GSDME: variants seen among roughly 807,000 people sequenced by gnomAD.
The protein encoded by GSDME is gasdermin-E.
In GSDME, 44 loss-of-function variants were observed where a neutral mutation model predicts 47.5. The ratio of observed to expected loss-of-function variants is 0.93; its 90% confidence interval spans 0.73 to 1.19. GSDME has a LOEUF of 1.19. GSDME is among the 50% of genes most tolerant of loss of function. The pLI, the probability that GSDME is intolerant of heterozygous loss-of-function variation, is 0.00. For missense variants in GSDME, 663 were observed against 604.2 expected (o/e 1.10, Z -1.02); for synonymous variants, 258 against 252.8 (o/e 1.02, Z -0.20).
chr7:24,767,295 G>A, the GSDME span, among the ~76,000 whole-genome samples: 1 of 152,110 alleles, frequency 6.6e-6, no homozygotes, highest in Non-Finnish European at 1.5e-5. This position sits in a 1 kb window ranked among gnomAD's most constrained non-coding sequence, Gnocchi z 5.3. Context: ...CTGCACTCCG[G>A]CCTGGGTGAC....
intron 2 of GSDME, among the ~76,000 whole-genome samples, chr7:24,746,930 T>C (rs1427344303): frequency 6.6e-6 from 1 of 152,142 alleles, no homozygotes; most frequent in Non-Finnish European, 1.5e-5. Context: ...CTCTACCCAG[T>C]AGACAAAGTA....
the GSDME span, among the ~76,000 whole-genome samples, chr7:24,792,615 T>C: frequency 6.6e-6 from 1 of 152,358 alleles, no homozygotes; most frequent in East Asian, 1.9e-4. Context: ...ATAGAATAGA[T>C]GAAAGAGTTA....
At chr7:24,752,268 CT>C (rs1239321256) in intron 1 of GSDME, among the ~76,000 whole-genome samples, 1 of 152,148 alleles carries the variant, frequency 6.6e-6, no homozygotes, top group Non-Finnish European at 1.5e-5. Context: ...GAGCTTGACT[CT>C]TGCACTGGAA....
rs977328652 is a variant in GSDME at position 24,716,234 on chromosome 7, G to A, written c.697+1020C>T. On this transcript the variant is annotated intron_variant, in intron 5 of 9. Coordinates refer to ENST00000645220, the MANE Select transcript of GSDME (RefSeq NM_001127453.2). The surrounding 1 kb of genome is among the most constrained non-coding windows in gnomAD (Gnocchi z 4.5). ...ATAGAGAGGAGGAGCGTGAACCAGC[G>A]TGTGCCCATCAGCCAGCTTCAGCCA... 2.6e-5 allele frequency among the ~76,000 whole-genome samples: 4 copies of A among 152,128 alleles called. No individual in the cohort carries two copies. The highest frequency in any genetic ancestry group is 7.2e-5 in the African/African-American group (3 of 41,406).
intron 3 of GSDME, among the ~76,000 whole-genome samples, chr7:24,743,031 C>T (rs569997929): frequency 6.6e-6 from 1 of 152,278 alleles, no homozygotes; most frequent in Admixed American, 6.5e-5. Context: ...GGAGTCACAG[C>T]TTTGTGTGGT....
In GSDME at chr7:24,706,180, T is replaced by C. The variant is rs1562687295; in HGVS notation, c.1183+4A>G. ...CCATTTCTTTCATTTTCTTTTCTCC[T>C]TACCTGCGAGGGCACTGACCAAGAA... On this transcript the variant is annotated splice_donor_region_variant and intron_variant, in intron 8 of 9. Coordinates refer to ENST00000645220, the MANE Select transcript of GSDME (RefSeq NM_001127453.2). 6.2e-7 allele frequency: 1 copy of C among 1,614,208 alleles called. No individual in the cohort carries two copies. The highest frequency in any genetic ancestry group is 8.5e-7 in the Non-Finnish European group (1 of 1,180,034).
At chr7:24,763,873 C>T in the GSDME span, among the ~76,000 whole-genome samples, 1 of 152,186 alleles carries the variant, frequency 6.6e-6, no homozygotes, top group Admixed American at 6.5e-5. The surrounding 1 kb of genome is among the most constrained non-coding windows in gnomAD (Gnocchi z 4.3). Context: ...TGGCCAAGCC[C>T]AGAGCTTTTG....
chr7:24,734,567 C>T (rs1285979000), intron 3 of GSDME, among the ~76,000 whole-genome samples: 1 of 152,192 alleles, frequency 6.6e-6, no homozygotes, highest in African/African-American at 2.4e-5. Context: ...AGGAATTTGG[C>T]ATTCCTTCAG....
chr7:24,718,601 C>T (rs1789656831), intron 4 of GSDME, among the ~76,000 whole-genome samples: 2 of 152,210 alleles, frequency 1.3e-5, no homozygotes, highest in Admixed American at 6.5e-5. Context: ...CATCTGCCGC[C>T]CACAGGAAGA....
At chr7:24,702,590 C>A (rs1349356228) in intron 9 of GSDME, 170 bp downstream of exon 9, 12 of 619,372 alleles carry the variant, frequency 1.9e-5, no homozygotes, top group South Asian at 1.0e-4. Flanking sequence ...TCAGTCTTCC[C>A]ATGGGGTGGG....
the GSDME span, among the ~76,000 whole-genome samples, chr7:24,765,192 A>G: frequency 6.6e-5 from 10 of 152,228 alleles, no homozygotes; most frequent in Non-Finnish European, 1.5e-4. Context: ...TAGAATTAGA[A>G]ATAGACTTGA....
chr7:24,718,426 T>C (rs1789650215), intron 4 of GSDME, among the ~76,000 whole-genome samples: 1 of 152,188 alleles, frequency 6.6e-6, no homozygotes, highest in Admixed American at 6.5e-5. Context: ...TCTAGAAGAA[T>C]CTATGTAGAG....
At chr7:24,777,589 C>T in the GSDME span, among the ~76,000 whole-genome samples, 1 of 152,304 alleles carries the variant, frequency 6.6e-6, no homozygotes, top group East Asian at 1.9e-4. Context: ...TCCTCTGCCT[C>T]CAAGAAGCAC....
Position 24,706,319 on chromosome 7 carries a change from G to C in GSDME, c.1048C>G (p.Pro350Ala), listed in dbSNP as rs776985188. 7 of 1,613,622 alleles carry C rather than the reference G, an allele frequency of 4.3e-6. No individual in the cohort carries two copies. The highest frequency in any genetic ancestry group is 5.9e-6 in the Non-Finnish European group (7 of 1,179,954). Residue 350 changes from proline to alanine, a missense_variant, in exon 8 of 10, where the codon CCC becomes GCC. Transcript: ENST00000645220. The part of the protein sequence containing the change: ...PTVAVLGELK[P>A]RQQQDLVAFL... Reference sequence around the variant, plus strand: ...GCCACAAGGTCCTGCTGCTGCCGGGGCTTCAGCTCCCCCAGCACCGCCACT... The same window carrying C: ...GCCACAAGGTCCTGCTGCTGCCGGGCCTTCAGCTCCCCCAGCACCGCCACT...
Position 24,710,354 on chromosome 7 carries a change from G to A in GSDME, c.732C>T (p.Phe244=), listed in dbSNP as rs1789303444. Residue 244 remains phenylalanine, a synonymous_variant, in exon 6 of 10, where the codon TTC becomes TTT. Coordinates refer to ENST00000645220, the MANE Select transcript of GSDME (RefSeq NM_001127453.2). Reference sequence around the variant, plus strand: ...CAGAGTCAATTCTCTTCTTGTTCTCGAAGCCACCTTGCTTCCCTCGGAGAA... The same window carrying A: ...CAGAGTCAATTCTCTTCTTGTTCTCAAAGCCACCTTGCTTCCCTCGGAGAA... ...FCLLRGKQGG[F]ENKKRIDSVY... 5.6e-6 allele frequency: 9 copies of A among 1,614,218 alleles called. No individual in the cohort carries two copies. The East Asian group carries it at 6.7e-5, about 12-fold the overall frequency.
rs1398576906 is a variant in GSDME, at chr7:24,726,135, C to T, written c.405-6917G>A. On this transcript the variant is annotated intron_variant, in intron 3 of 9. Transcript: ENST00000645220. This position sits in a 1 kb window ranked among gnomAD's most constrained non-coding sequence, Gnocchi z 5.6. ...AGGGAGGCTCCAGCTCTTCCAGCAT[C>T]CATCAGCTCCCCAGGCCCAGCCCTA... 1.3e-5 allele frequency among the ~76,000 whole-genome samples: 2 copies of T among 152,142 alleles called. No individual in the cohort carries two copies. The highest frequency in any genetic ancestry group is 2.9e-5 in the Non-Finnish European group (2 of 68,004).
Position 24,725,869 on chromosome 7 carries a change from T to TCC in GSDME, c.405-6653_405-6652dup, listed in dbSNP as rs1158132512. 2.0e-5 allele frequency among the ~76,000 whole-genome samples: 3 copies of TCC among 151,748 alleles called. No homozygotes were observed. The highest frequency in any genetic ancestry group is 7.3e-5 in the African/African-American group (3 of 41,252). On this transcript the variant is annotated intron_variant, in intron 3 of 9. Coordinates refer to ENST00000645220, the MANE Select transcript of GSDME (RefSeq NM_001127453.2). This position sits in a 1 kb window ranked among gnomAD's most constrained non-coding sequence, Gnocchi z 5.1. ...GGGCATAAGACAATATGAGGGGTGG[T>TCC]CCCCTCCCTTAAGGAAGTGGACCCT...
intron 8 of GSDME, chr7:24,703,687 CAG>C (rs1465552251): frequency 1.3e-5 from 2 of 152,764 alleles, no homozygotes; most frequent in African/African-American, 2.4e-5. Flanking sequence ...AGGTGTGACC[CAG>C]AGAGTACATG....
At chr7:24,794,299 C>CCTCT in the GSDME span, among the ~76,000 whole-genome samples, 23 of 148,382 alleles carry the variant, frequency 1.6e-4, no homozygotes, top group South Asian at 2.8e-3. Context: ...CTCTTTCTCT[C>CCTCT]CTCTCTCTCT....
Sources: allele counts gnomAD v4.1 joint callset (sites outside exome capture counted in the v4.1 genomes callset), GRCh38; gene constraint gnomAD v4.1.1; non-coding constraint Gnocchi (gnomAD v3.1); transcripts MANE v1.5; gene names NCBI Gene and HGNC (gene_info 2026-07-23, HGNC 2026-07-21).